Variants in TRMT11 observed in about 807,000 individuals in gnomAD.
TRMT11 encodes the protein tRNA (guanine(10)-N(2))-methyltransferase TRMT11.
TRMT11 carries 53 observed loss-of-function variants against 62.8 expected under a neutral mutation model. The observed-to-expected ratio is 0.84, with a 90% confidence interval of 0.68 to 1.06. The LOEUF (loss-of-function observed/expected upper bound fraction) is 1.06. TRMT11 is among the 50% of genes least tolerant of loss of function. TRMT11 has a pLI of 0.00. For synonymous variants in TRMT11, 188 were observed against 190.3 expected, an observed-to-expected ratio of 0.99 and a Z score of 0.10; for missense variants, 556 against 553.4, an observed-to-expected ratio of 1.00 and a Z score of -0.05.
intron 17 of TRMT11, among the ~76,000 whole-genome samples, chr6:126,074,714 T>A (rs1046021551): frequency 1.3e-5 from 2 of 152,186 alleles, no homozygotes; most frequent in African/African-American, 2.4e-5. Flanking sequence ...AAGTCTCAAT[T>A]TTTTATTTCA....
intron 21 of TRMT11, among the ~76,000 whole-genome samples, chr6:126,120,011 T>A (rs1452566758): frequency 5.3e-5 from 8 of 152,102 alleles, no homozygotes; most frequent in Non-Finnish European, 7.4e-5. Context: ...CAGGGGCTCA[T>A]GCCTGTAATC....
intron 21 of TRMT11, among the ~76,000 whole-genome samples, chr6:126,118,656 A>G (rs1414370474): frequency 2.6e-5 from 4 of 152,050 alleles, no homozygotes; most frequent in Non-Finnish European, 4.4e-5. Flanking sequence ...CTCAACAATT[A>G]CATTCGGCTT....
At chr6:126,075,642 G>A (rs1204036207) in intron 17 of TRMT11, among the ~76,000 whole-genome samples, 1 of 152,088 alleles carries the variant, frequency 6.6e-6, no homozygotes, top group Admixed American at 6.6e-5. Context: ...TATAAATTAT[G>A]CAGTCTCAGG....
At chr6:126,171,407 T>G (rs2128236091) in intron 21 of TRMT11, among the ~76,000 whole-genome samples, 1 of 152,288 alleles carries the variant, frequency 6.6e-6, no homozygotes, top group East Asian at 1.9e-4. Context: ...GATGGTTTTA[T>G]TTCATCAGAA....
the TRMT11 span, among the ~76,000 whole-genome samples, chr6:126,247,328 C>T: frequency 1.3e-5 from 2 of 151,658 alleles, no homozygotes; most frequent in Non-Finnish European, 2.9e-5. Flanking sequence ...TAATCTTATA[C>T]ACACACACAT....
chr6:126,262,553 C>T, the TRMT11 span, among the ~76,000 whole-genome samples: 1 of 152,158 alleles, frequency 6.6e-6, no homozygotes, highest in African/African-American at 2.4e-5. Flanking sequence ...ACTCTAGCCA[C>T]TCTAGCAGTT....
chr6:126,111,669 CT>C, intron 17 of TRMT11, among the ~76,000 whole-genome samples: 1 of 152,180 alleles, frequency 6.6e-6, no homozygotes, highest in East Asian at 1.9e-4. Flanking sequence ...CATGTACCAT[CT>C]GGGTTTGAAG....
chr6:126,120,512 C>T (rs1777637379), intron 21 of TRMT11, among the ~76,000 whole-genome samples: 1 of 152,082 alleles, frequency 6.6e-6, no homozygotes, highest in Non-Finnish European at 1.5e-5. Flanking sequence ...TGGATGTCCT[C>T]TAAGGAGGTT....
At chr6:126,118,877 T>A (rs1416991686) in intron 21 of TRMT11, among the ~76,000 whole-genome samples, 2 of 152,086 alleles carry the variant, frequency 1.3e-5, no homozygotes, top group Non-Finnish European at 2.9e-5. Flanking sequence ...TTTTCCCCCT[T>A]TGTAAAGCTA....
intron 17 of TRMT11, among the ~76,000 whole-genome samples, chr6:126,103,769 TGA>T (rs1413072247): frequency 1.3e-5 from 2 of 152,230 alleles, no homozygotes; most frequent in South Asian, 4.1e-4. Context: ...AGACAGCTAC[TGA>T]GAGAGAGTCT....
chr6:126,185,516 T>C (rs145507777), intron 1 of TRMT11, among the ~76,000 whole-genome samples: 29 of 152,332 alleles, frequency 1.9e-4, no homozygotes, highest in African/African-American at 5.3e-4. Context: ...CTTACTGATA[T>C]GCTTTTCTAA....
At chr6:126,257,521 A>G in the TRMT11 span, among the ~76,000 whole-genome samples, 1 of 152,144 alleles carries the variant, frequency 6.6e-6, no homozygotes, top group Non-Finnish European at 1.5e-5. Flanking sequence ...GCCTGATAAA[A>G]TGAGTTTGGA....
chr6:126,251,931 A>G, the TRMT11 span, among the ~76,000 whole-genome samples: 1 of 152,210 alleles, frequency 6.6e-6, no homozygotes, highest in Non-Finnish European at 1.5e-5. Flanking sequence ...AGAGAAATTC[A>G]TCCAATCTAA....
At position 126,078,811 on chromosome 6, in the gene TRMT11, C is replaced by T. The variant is rs374261036; in HGVS notation, c.*1437+25621C>T. On this transcript the variant is annotated intron_variant and NMD_transcript_variant, in intron 17 of 22. Transcript: ENST00000648977. ...GGCACTCTGGACAGTGTATGATGGCCACGTCACACTTTTGTAGGAAGAACT... is the reference window on the plus strand; with the variant it reads ...GGCACTCTGGACAGTGTATGATGGCTACGTCACACTTTTGTAGGAAGAACT... Among the ~76,000 whole-genome samples the T allele has an allele frequency of 2.0e-4, 31 of 152,250 alleles. No individual in the cohort carries two copies. In the South Asian group the frequency reaches 6.4e-3, roughly 32 times the overall value.
At chr6:126,209,807 C>T in the TRMT11 span, among the ~76,000 whole-genome samples, 1 of 152,164 alleles carries the variant, frequency 6.6e-6, no homozygotes, top group Non-Finnish European at 1.5e-5. Flanking sequence ...TAATTAAGCA[C>T]ATTAGGCTTT....
At chr6:126,147,952 C>T (rs754402379) in intron 21 of TRMT11, among the ~76,000 whole-genome samples, 7 of 151,950 alleles carry the variant, frequency 4.6e-5, no homozygotes, top group Non-Finnish European at 1.0e-4. Context: ...ATGTAGATGA[C>T]GGGTTGACGG....
chr6:126,092,866 C>T (rs1777293323), intron 17 of TRMT11, among the ~76,000 whole-genome samples: 1 of 152,156 alleles, frequency 6.6e-6, no homozygotes, highest in Non-Finnish European at 1.5e-5. Flanking sequence ...ATGTGATATA[C>T]TTTTAATCTG....
intron 1 of TRMT11, among the ~76,000 whole-genome samples, chr6:126,197,874 C>A (rs2128251030): frequency 6.6e-6 from 1 of 152,236 alleles, no homozygotes; most frequent in Middle Eastern, 3.4e-3. Context: ...CTGATAAAAT[C>A]CAAGAGGCAG....
Position 126,186,037 on chromosome 6 carries a change from T to C in TRMT11, n.143+8702T>C, listed in dbSNP as rs552650668. 2.7e-4 allele frequency among the ~76,000 whole-genome samples: 41 copies of C among 152,248 alleles called. 1 individual carries two copies. Among genetic ancestry groups the C allele is most frequent in the African/African-American group, 9.6e-4 (40 of 41,542 alleles). Reference sequence around the variant, plus strand: ...CGGGTGGGGACACAACCAAACCATATCACCCTCCATAATGATATGTGCATT... The same window carrying C: ...CGGGTGGGGACACAACCAAACCATACCACCCTCCATAATGATATGTGCATT... On this transcript the variant is annotated intron_variant and non_coding_transcript_variant, in intron 1 of 3. Transcript: ENST00000444229.
Sources: allele counts gnomAD v4.1 joint callset (sites outside exome capture counted in the v4.1 genomes callset), GRCh38; gene constraint gnomAD v4.1.1; transcripts MANE v1.5; gene names NCBI Gene and HGNC (gene_info 2026-07-23, HGNC 2026-07-21).